Variants in TBC1D16 observed in about 807,000 individuals in gnomAD.
The protein encoded by TBC1D16 is CTD-2529O21.1.
A neutral mutation model predicts 74.7 loss-of-function variants in TBC1D16; 58 were observed. The observed-to-expected ratio is 0.78, with a 90% CI of 0.63 to 0.97. The LOEUF (loss-of-function observed/expected upper bound fraction) is 0.97. Ranked by LOEUF, TBC1D16 falls within the 50% of genes least tolerant of loss-of-function variation. The pLI is 0.00. For missense variants in TBC1D16, 1,014 were observed against 1,079.5 expected, an observed-to-expected ratio of 0.94 and a Z score of 0.85; for synonymous variants, 493 against 474.7, an observed-to-expected ratio of 1.04 and a Z score of -0.50.
chr17:79,968,169 T>G (rs1448445994), intron 3 of TBC1D16, among the ~76,000 whole-genome samples: 2 of 152,158 alleles, frequency 1.3e-5, no homozygotes, highest in East Asian at 3.9e-4. Context: ...ATTTTTGTAT[T>G]TTTTGGTAGA....
At chr17:79,953,106 G>A in intron 3 of TBC1D16, 1 of 261,352 alleles carries the variant, frequency 3.8e-6, no homozygotes, top group Non-Finnish European at 7.2e-6. Context: ...CACACTGACT[G>A]GGGTTCCTCG....
chr17:79,946,532 C>A (rs755079297), intron 9 of TBC1D16, among the ~76,000 whole-genome samples: 14 of 152,232 alleles, frequency 9.2e-5, no homozygotes, highest in Non-Finnish European at 1.9e-4. Context: ...GGCTGGGGAA[C>A]CCCGTTCTAC....
rs1451306156 is a variant in TBC1D16, at chr17:80,010,913, G to A, written c.182-156C>T. On this transcript the variant is annotated intron_variant, in intron 2 of 11. Coordinates refer to ENST00000310924, the MANE Select transcript of TBC1D16 (RefSeq NM_019020.4). The surrounding 1 kb of genome is among the most constrained non-coding windows in gnomAD (Gnocchi z 8.8). ...CCTGGCCCTGAGCAAAAACACTAGA[G>A]GGAAACTGTGGAGCTTGAAATGAAT... Among the ~76,000 whole-genome samples the A allele has an allele frequency of 1.3e-5, 2 of 152,332 alleles. No individual in the cohort carries two copies. Among genetic ancestry groups the A allele is most frequent in the East Asian group, 3.9e-4 (2 of 5,190 alleles).
intron 3 of TBC1D16, among the ~76,000 whole-genome samples, chr17:79,968,842 CAAAAAAA>C (rs34365366): frequency 1.1e-4 from 6 of 55,392 alleles, no homozygotes; most frequent in Admixed American, 3.1e-4. Context: ...GATGCCGTCT[CAAAAAAA>C]AAAAAAAAAA....
intron 1 of TBC1D16, among the ~76,000 whole-genome samples, chr17:80,025,115 C>CACATACCATTACACACA (rs1378974240): frequency 1.2e-5 from 1 of 81,804 alleles, no homozygotes; most frequent in African/African-American, 6.3e-5. Flanking sequence ...CACACAAACA[C>CACATACCATTACACACA]CACAGACACA....
intron 3 of TBC1D16, among the ~76,000 whole-genome samples, chr17:80,004,783 T>C (rs2035613621): frequency 6.6e-6 from 1 of 152,168 alleles, no homozygotes; most frequent in Admixed American, 6.5e-5. Context: ...CAAGCGATTC[T>C]CGTGCCTGAG....
Position 79,942,126 on chromosome 17 carries a change from C to T in TBC1D16, c.1989G>A (p.Thr663=), listed in dbSNP as rs149251119. The T allele has an allele frequency of 3.3e-4, 533 of 1,611,586 alleles. No individual in the cohort carries two copies. The highest frequency in any genetic ancestry group is 4.1e-4 in the Non-Finnish European group (489 of 1,179,376). The change falls in exon 11 of 12, where the codon ACG becomes ACA. Residue 663 remains threonine (T), a synonymous_variant. Transcript: ENST00000310924. ...TTCCGAAGTGCAGGAGCATCTGGTC[C>T]GTGGCCAGCTGCTGCTCGATGACGT... ...GDDVIEQQLA[T]DQMLLHFGNL...
At chr17:79,973,502 G>A (rs2034201109) in intron 3 of TBC1D16, among the ~76,000 whole-genome samples, 2 of 152,190 alleles carry the variant, frequency 1.3e-5, no homozygotes, top group South Asian at 2.1e-4. Flanking sequence ...AAGGTCAGGA[G>A]ATCAAGACCA....
In TBC1D16 at chr17:80,004,968, C is replaced by T. The variant is rs891271996; in HGVS notation, c.779+5192G>A. On this transcript the variant is annotated intron_variant, in intron 3 of 11. Transcript: ENST00000310924. ...GGAATTACAGGCTTAAGCCACGTGCCGGCCACTTTGGCCTTTCTATCTGTA... is the reference window on the plus strand; with the variant it reads ...GGAATTACAGGCTTAAGCCACGTGCTGGCCACTTTGGCCTTTCTATCTGTA... 3.9e-5 allele frequency among the ~76,000 whole-genome samples: 6 copies of T among 152,242 alleles called. No individual in the cohort carries two copies. The South Asian group carries it at 1.0e-3, about 26-fold the overall frequency.
chr17:79,943,586 A>C, intron 10 of TBC1D16, among the ~76,000 whole-genome samples: 1 of 110,644 alleles, frequency 9.0e-6, no homozygotes, highest in Admixed American at 1.0e-4. Context: ...ACCCCGTAAT[A>C]CTACCAAATT....
At position 79,949,019 on chromosome 17, in the gene TBC1D16, G is replaced by A. The variant is rs766707775; in HGVS notation, c.1407-13C>T. 14 of 1,613,668 alleles carry A rather than the reference G, an allele frequency of 8.7e-6. No homozygotes were observed. The African/African-American group carries it at 1.1e-4, about 12-fold the overall frequency. ...AGTCATGGAGAGCCTGTGTGGAGCCGAGCACCCAGCCGGGGTCAGCGGGTG... is the reference window on the plus strand; with the variant it reads ...AGTCATGGAGAGCCTGTGTGGAGCCAAGCACCCAGCCGGGGTCAGCGGGTG... On this transcript the variant is annotated splice_polypyrimidine_tract_variant and intron_variant, in intron 7 of 11. Coordinates refer to ENST00000310924, the MANE Select transcript of TBC1D16 (RefSeq NM_019020.4).
chr17:79,953,027 A>G (rs1213988888), intron 3 of TBC1D16: 2 of 454,554 alleles, frequency 4.4e-6, no homozygotes, highest in African/African-American at 4.0e-5. Context: ...ATGGGAAAGC[A>G]TTTTCATGAT....
In TBC1D16 at chr17:79,980,536, G is replaced by A. The variant is rs1258085775; in HGVS notation, c.780-27718C>T. Among the ~76,000 whole-genome samples, 1 of 152,174 alleles carries A rather than the reference G, an allele frequency of 6.6e-6. No individual in the cohort carries two copies. Among genetic ancestry groups the A allele is most frequent in the African/African-American group, 2.4e-5 (1 of 41,438 alleles). On this transcript the variant is annotated intron_variant, in intron 3 of 11. Coordinates refer to ENST00000310924, the MANE Select transcript of TBC1D16 (RefSeq NM_019020.4). The surrounding 1 kb of genome is among the most constrained non-coding windows in gnomAD (Gnocchi z 7.0). ...CCCTGGAGGACCCTGAAGATCACCA[G>A]GCCCAGTCTGTTCCTCTCCCTAACC...
At chr17:79,953,363 A>G (rs763747962) in intron 3 of TBC1D16, among the ~76,000 whole-genome samples, 2 of 152,264 alleles carry the variant, frequency 1.3e-5, no homozygotes, top group Non-Finnish European at 2.9e-5. Flanking sequence ...TCTCAGTACT[A>G]TTAATAACAT....
chr17:79,946,259 T>A (rs1224748228), intron 9 of TBC1D16, among the ~76,000 whole-genome samples: 1 of 152,234 alleles, frequency 6.6e-6, no homozygotes, highest in Non-Finnish European at 1.5e-5. Flanking sequence ...CCTCACATCA[T>A]CAGGCATTAG....
At chr17:80,021,106 G>C (rs557707550) in intron 1 of TBC1D16, among the ~76,000 whole-genome samples, 1 of 149,982 alleles carries the variant, frequency 6.7e-6, no homozygotes, top group African/African-American at 2.5e-5. Flanking sequence ...TACAAAATTA[G>C]ACAGGCATGG....
rs185939904 is a variant in TBC1D16 at position 79,986,834 on chromosome 17, G to A, written c.779+23326C>T. Reference sequence around the variant, plus strand: ...GGTCCACGGGAAGATGGGGGTGAACGAGAAGCCTGAGGCCGGGCCGGTGGG... The same window carrying A: ...GGTCCACGGGAAGATGGGGGTGAACAAGAAGCCTGAGGCCGGGCCGGTGGG... On this transcript the variant is annotated intron_variant, in intron 3 of 11. Coordinates refer to ENST00000310924, the MANE Select transcript of TBC1D16 (RefSeq NM_019020.4). This position sits in a 1 kb window ranked among gnomAD's most constrained non-coding sequence, Gnocchi z 6.0. Among the ~76,000 whole-genome samples the A allele has an allele frequency of 1.3e-3, 204 of 152,342 alleles. No homozygotes were observed. Among genetic ancestry groups the A allele is most frequent in the African/African-American group, 4.8e-3 (198 of 41,580 alleles).
Position 80,001,700 on chromosome 17 carries a change from T to TCC in TBC1D16, c.779+8458_779+8459dup. On this transcript the variant is annotated intron_variant, in intron 3 of 11. Transcript: ENST00000310924. The surrounding 1 kb of genome is among the most constrained non-coding windows in gnomAD (Gnocchi z 5.8). ...TGTCCCTCCCCTGGGTGGCGGCAGC[T>TCC]CCTGGATATCTGTGCTGCACCTGCC... is the stretch of plus-strand genomic sequence containing the variant. Among the ~76,000 whole-genome samples, 1 of 152,142 alleles carries TCC rather than the reference T, an allele frequency of 6.6e-6. No individual in the cohort carries two copies. Among genetic ancestry groups the TCC allele is most frequent in the Admixed American group, 6.5e-5 (1 of 15,290 alleles).
intron 1 of TBC1D16, among the ~76,000 whole-genome samples, chr17:80,024,935 C>T (rs1291162481): frequency 6.9e-6 from 1 of 145,740 alleles, no homozygotes; most frequent in Non-Finnish European, 1.5e-5. Flanking sequence ...TAGACACACA[C>T]ACCACACACA....
Sources: allele counts gnomAD v4.1 joint callset (sites outside exome capture counted in the v4.1 genomes callset), GRCh38; gene constraint gnomAD v4.1.1; non-coding constraint Gnocchi (gnomAD v3.1); transcripts MANE v1.5; gene names NCBI Gene and HGNC (gene_info 2026-07-23, HGNC 2026-07-21).